RPL14: variants seen among roughly 807,000 people sequenced by gnomAD.
RPL14 encodes the protein large ribosomal subunit protein eL14.
RPL14 carries 4 observed loss-of-function variants against 25.3 expected under a neutral mutation model. The observed-to-expected ratio is 0.16, with a 90% CI of 0.08 to 0.36. The LOEUF (loss-of-function observed/expected upper bound fraction) is 0.36. Among genes scored for constraint, RPL14 ranks in the 10% least tolerant of loss-of-function variants. The pLI is 1.00. For missense variants in RPL14, 212 were observed against 261.9 expected (o/e 0.81, Z 1.31); for synonymous variants, 75 against 89.8 (o/e 0.84, Z 0.93).
At chr3:40,459,099 G>T (rs1019419387) in intron 3 of RPL14, 1 of 242,042 alleles carries the variant, frequency 4.1e-6, no homozygotes, top group Non-Finnish European at 8.3e-6. Context: ...GAGTTGGGAG[G>T]ATCGTTTTAG....
rs1157131918 is a variant in RPL14 at position 40,463,639 on chromosome 3, C to T, written c.*1407C>T. The T allele has an allele frequency of 1.3e-5, 2 of 152,184 alleles. No homozygotes were observed. 9.4% of individuals were successfully genotyped at this position (152,184 alleles called of 1,614,324 possible). On this transcript the variant is annotated 3_prime_UTR_variant, in exon 6 of 6. Transcript: ENST00000396203. Reference sequence around the variant, plus strand: ...ACACTACAATTTAAAAATCCCTAGCCTACCCGCATGGTGGGTTATGGTCAA... The same window carrying T: ...ACACTACAATTTAAAAATCCCTAGCTTACCCGCATGGTGGGTTATGGTCAA...
intron 3 of RPL14, among the ~76,000 whole-genome samples, chr3:40,459,954 T>G (rs1696910466): frequency 6.6e-6 from 1 of 151,624 alleles, no homozygotes; most frequent in Non-Finnish European, 1.5e-5. Context: ...GTACTGGTAG[T>G]TGAAAACATG....
At chr3:40,458,069 C>A in intron 2 of RPL14, 78 bp downstream of exon 2, 2 of 1,233,378 alleles carry the variant, frequency 1.6e-6, no homozygotes, top group Non-Finnish European at 2.4e-6. Flanking sequence ...GTCTCGATGG[C>A]TGTGTAAGAT....
intron 3 of RPL14, chr3:40,459,056 T>TG (rs577602705): frequency 2.6e-4 from 75 of 290,474 alleles, no homozygotes; most frequent in African/African-American, 1.7e-3. Context: ...GGCACGCGCC[T>TG]GTAATCCCAG....
Position 40,465,081 on chromosome 3 carries a change from CAAG to C in RPL14, c.*2850_*2852del, listed in dbSNP as rs1001007226. On this transcript the variant is annotated 3_prime_UTR_variant, in exon 6 of 6. Transcript: ENST00000396203. ...CTTGGTAAGAGCTGTGATAATGACA[CAAG>C]GAGGAGAGGTTTCAGGACAGACTTG... 6.5e-6 allele frequency: 1 copy of C among 152,872 alleles called. No homozygotes were observed. The highest frequency in any genetic ancestry group is 2.4e-5 in the African/African-American group (1 of 41,516). 9.5% of individuals were successfully genotyped at this position (152,872 alleles called of 1,614,324 possible). A position where few individuals can be genotyped will look rare whatever the true frequency, so the allele number is the denominator to read the frequency against.
At chr3:40,459,873 A>AAAAAAAAAAAAC (rs1696908587) in intron 3 of RPL14, among the ~76,000 whole-genome samples, 1 of 151,170 alleles carries the variant, frequency 6.6e-6, no homozygotes, top group African/African-American at 2.4e-5. Context: ...AAAAAAAAAA[A>AAAAAAAAAAAAC]AAAAAAACTT....
At position 40,457,348 on chromosome 3, in the gene RPL14, T is replaced by TA. The variant is rs778068902; in HGVS notation, c.-122dup. 2 of 1,605,236 alleles carry TA rather than the reference T, an allele frequency of 1.2e-6. No individual in the cohort carries two copies. The highest frequency in any genetic ancestry group is 2.7e-5 in the African/African-American group (2 of 73,598). On this transcript the variant is annotated 5_prime_UTR_variant, in exon 1 of 6. Transcript: ENST00000396203. The stretch of plus-strand genomic sequence containing the variant: ...TGGGCGGGTCTTCTTCCTTCTCGCC[T>TA]AACGCCGCCAACATGGTGAGTCTTA...
chr3:40,461,701 A>G (rs780271205), intron 5 of RPL14, 40 bp downstream of exon 5: 3 of 1,552,714 alleles, frequency 1.9e-6, no homozygotes, highest in Admixed American at 2.0e-5. Flanking sequence ...ACTTAGCTTT[A>G]AATAATAAGG....
intron 3 of RPL14, 27 bp downstream of exon 3, chr3:40,458,763 T>C (rs1696882959): frequency 6.3e-7 from 1 of 1,577,050 alleles, no homozygotes; most frequent in Admixed American, 1.7e-5. Flanking sequence ...CACTCCTCCC[T>C]CCCATCCCCA....
At chr3:40,461,302 G>GTGT (rs1311062816) in intron 3 of RPL14, 105 bp from the exon 4 acceptor site, 2 of 837,950 alleles carry the variant, frequency 2.4e-6, no homozygotes, top group African/African-American at 3.4e-5. Context: ...AGTGTACCAG[G>GTGT]TGTTGTGTAA....
Position 40,464,148 on chromosome 3 carries a change from T to G in RPL14, c.*1916T>G. 1 of 292,724 alleles carries G rather than the reference T, an allele frequency of 3.4e-6. No individual in the cohort carries two copies. Among genetic ancestry groups the G allele is most frequent in the Non-Finnish European group, 6.8e-6 (1 of 146,070 alleles). 18.1% of individuals were successfully genotyped at this position (292,724 alleles called of 1,614,324 possible). A position where few individuals can be genotyped will look rare whatever the true frequency, so the allele number is the denominator to read the frequency against. ...TGCCCCTCTAATATTGTATTAGAGATGGGGTTTTGCCATGTCAGCCAGACT... is the reference window on the plus strand; with the variant it reads ...TGCCCCTCTAATATTGTATTAGAGAGGGGGTTTTGCCATGTCAGCCAGACT... On this transcript the variant is annotated 3_prime_UTR_variant, in exon 6 of 6. Coordinates refer to ENST00000396203, the MANE Select transcript of RPL14 (RefSeq NM_001034996.3).
In RPL14 at chr3:40,462,204, C is replaced by T. The variant is rs1406759198; in HGVS notation, c.620C>T (p.Ala207Val). The change falls in exon 6 of 6, where the codon GCT becomes GTT. Residue 207 changes from alanine (A) to valine (V), a missense_variant. This residue lies in a region of RPL14 where 66 missense variants were observed against 62.6 expected (regional missense o/e 1.05). Transcript: ENST00000396203. ...AAAGCTCCAGCCCAGAAAGCACCTGCTCCAAAGGCATCTGGCAAGAAAGCA... is the reference window on the plus strand; with the variant it reads ...AAAGCTCCAGCCCAGAAAGCACCTGTTCCAAAGGCATCTGGCAAGAAAGCA... ...GQKAPAQKAP[A>V]PKASGKKA 3.8e-6 allele frequency: 6 copies of T among 1,595,136 alleles called. No individual in the cohort carries two copies. Among genetic ancestry groups the T allele is most frequent in the African/African-American group, 1.4e-5 (1 of 73,404 alleles).
At chr3:40,459,053 G>A (rs928941740) in intron 3 of RPL14, 8 of 294,260 alleles carry the variant, frequency 2.7e-5, no homozygotes, top group East Asian at 8.8e-5. Context: ...GGTGGCACGC[G>A]CCTGTAATCC....
chr3:40,457,460 C>T lies in RPL14; in HGVS notation c.-12C>T, dbSNP rs1258689385. 3.2e-6 allele frequency: 5 copies of T among 1,571,750 alleles called. No individual in the cohort carries two copies. The highest frequency in any genetic ancestry group is 1.4e-5 in the African/African-American group (1 of 72,890). On this transcript the variant is annotated 5_prime_UTR_variant, in exon 1 of 6. Coordinates refer to ENST00000396203, the MANE Select transcript of RPL14 (RefSeq NM_001034996.3). The stretch of plus-strand genomic sequence containing the variant: ...AGGCGCCAAACGGCTCCCAGAGGGT[C>T]CCGGGAAGCGCATGGTGAGGGTCCC...
In RPL14 at chr3:40,465,301, A is replaced by G. The variant is rs1431470850; in HGVS notation, c.*3069A>G. On this transcript the variant is annotated 3_prime_UTR_variant, in exon 6 of 6. Coordinates refer to ENST00000396203, the MANE Select transcript of RPL14 (RefSeq NM_001034996.3). ...GTAGTAAGCAAAGGAGAAATGTTAT[A>G]TGGGGTTCGGAGGTTTTGTGTTTGT... 6.6e-6 allele frequency: 1 copy of G among 152,140 alleles called. No homozygotes were observed. Among genetic ancestry groups the G allele is most frequent in the Non-Finnish European group, 1.5e-5 (1 of 68,034 alleles). The allele number at this position is 152,140 out of a possible 1,614,324, so 9.4% of individuals were successfully genotyped here. A position where few individuals can be genotyped will look rare whatever the true frequency, so the allele number is the denominator to read the frequency against.
In RPL14 at chr3:40,462,368, A is replaced by G. The variant is rs1202319142; in HGVS notation, c.*136A>G. On this transcript the variant is annotated 3_prime_UTR_variant, in exon 6 of 6. Transcript: ENST00000396203. ...GGATTATAATAAACATTAAATAATCAGTTCCTTTTTTTTTTTTTTTTTTTT... is the reference window on the plus strand; with the variant it reads ...GGATTATAATAAACATTAAATAATCGGTTCCTTTTTTTTTTTTTTTTTTTT... 2.7e-5 allele frequency: 18 copies of G among 664,734 alleles called. No homozygotes were observed. Among genetic ancestry groups the G allele is most frequent in the African/African-American group, 4.1e-5 (2 of 49,364 alleles). The allele number at this position is 664,734 out of a possible 1,614,324, so 41.2% of individuals were successfully genotyped here.
intron 3 of RPL14, among the ~76,000 whole-genome samples, chr3:40,461,024 T>C (rs1333220565): frequency 6.6e-6 from 1 of 152,072 alleles, no homozygotes. Context: ...AGCAAGACCC[T>C]GTCTCTACAA....
chr3:40,458,162 T>C (rs1696874336), intron 2 of RPL14, 171 bp downstream of exon 2: 1 of 622,364 alleles, frequency 1.6e-6, no homozygotes, highest in African/African-American at 1.8e-5. Flanking sequence ...TGAAGTTAGC[T>C]ATTAGTATTG....
At chr3:40,460,355 T>C (rs1414043385) in intron 3 of RPL14, among the ~76,000 whole-genome samples, 21 of 151,888 alleles carry the variant, frequency 1.4e-4, no homozygotes, top group Non-Finnish European at 3.1e-4. Context: ...CCGTCTCCAC[T>C]AAAAGTCCAA....
Sources: allele counts gnomAD v4.1 joint callset (sites outside exome capture counted in the v4.1 genomes callset), GRCh38; gene constraint gnomAD v4.1.1; regional missense constraint gnomAD v4.1.1; transcripts MANE v1.5; gene names NCBI Gene and HGNC (gene_info 2026-07-23, HGNC 2026-07-21).